The following FHIT variants were observed in gnomAD, a reference collection of about 807,000 sequenced individuals.
FHIT encodes fragile histidine triad diadenosine triphosphatase.
Under a neutral mutation model 17.9 loss-of-function variants are expected in FHIT, and 19 were observed. The observed-to-expected ratio is 1.06, with a 90% CI of 0.74 to 1.56. The LOEUF (loss-of-function observed/expected upper bound fraction) is 1.56. Among genes scored for constraint, FHIT ranks in the 40% most tolerant of loss-of-function variants. The probability of loss-of-function intolerance (pLI) is 0.00; values close to 1 mark genes in which losing one functional copy is unlikely to be tolerated. For missense variants in FHIT, 248 were observed against 189.2 expected (o/e 1.31, Z -1.82); for synonymous variants, 81 against 69.7 (o/e 1.16, Z -0.81).
At chr3:60,104,189 T>C (rs1234813826) in intron 5 of FHIT, among the ~76,000 whole-genome samples, 1 of 152,198 alleles carries the variant, frequency 6.6e-6, no homozygotes, top group Admixed American at 6.5e-5. Flanking sequence ...GCATCAAAGA[T>C]AACTTTTCCT....
At chr3:60,410,569 A>G (rs540220796) in intron 5 of FHIT, among the ~76,000 whole-genome samples, 2 of 152,306 alleles carry the variant, frequency 1.3e-5, no homozygotes, top group East Asian at 3.9e-4. Flanking sequence ...AATTAGCATA[A>G]GCAAATAACA....
chr3:61,134,686 C>G (rs1315717920), intron 2 of FHIT, among the ~76,000 whole-genome samples: 2 of 152,006 alleles, frequency 1.3e-5, no homozygotes, highest in African/African-American at 4.8e-5. Context: ...TGAGAGATGA[C>G]TCCAGGAAGC....
intron 5 of FHIT, among the ~76,000 whole-genome samples, chr3:60,271,295 C>G (rs915194891): frequency 6.6e-6 from 1 of 152,070 alleles, no homozygotes; most frequent in African/African-American, 2.4e-5. Flanking sequence ...CCCAGCTACT[C>G]AGGAGGCTGA....
In FHIT at chr3:60,714,443, G is replaced by T. The variant is rs531832335; in HGVS notation, c.-18+107476C>A. On this transcript the variant is annotated intron_variant, in intron 4 of 9. Transcript: ENST00000492590. ...TGGAAGTTCTGGCCAGGGCAATTAGGCAGGAGGAGGAAATAAAGGGTATTC... is the reference window on the plus strand; with the variant it reads ...TGGAAGTTCTGGCCAGGGCAATTAGTCAGGAGGAGGAAATAAAGGGTATTC... Among the ~76,000 whole-genome samples, 8 of 152,242 alleles carry T rather than the reference G, an allele frequency of 5.3e-5. No homozygotes were observed. The East Asian group carries it at 1.5e-3, about 29-fold the overall frequency.
At chr3:60,842,167 C>A (rs1288745922) in intron 3 of FHIT, among the ~76,000 whole-genome samples, 2 of 152,108 alleles carry the variant, frequency 1.3e-5, no homozygotes, top group African/African-American at 4.8e-5. Context: ...TCACGGATAA[C>A]CCTACAGTTG....
intron 5 of FHIT, among the ~76,000 whole-genome samples, chr3:60,489,609 C>G (rs1477072570): frequency 6.6e-6 from 1 of 152,198 alleles, no homozygotes; most frequent in East Asian, 1.9e-4. Context: ...CTGCTCACTA[C>G]AATACCAATA....
At chr3:60,878,242 G>C (rs1252389751) in intron 3 of FHIT, among the ~76,000 whole-genome samples, 1 of 151,998 alleles carries the variant, frequency 6.6e-6, no homozygotes, top group African/African-American at 2.4e-5. Context: ...CAGCTACAGA[G>C]AGTGAACCTG....
At chr3:60,252,294 A>C (rs13091891) in intron 5 of FHIT, among the ~76,000 whole-genome samples, 13,876 of 152,236 alleles carry the variant, frequency 0.091, 840 homozygotes, top group South Asian at 0.17. Flanking sequence ...CTGTAATCCC[A>C]GAACTTTGGG....
rs571990251 is a variant in FHIT at position 60,159,183 on chromosome 3, C to T, written c.104-145031G>A. 2.2e-4 allele frequency among the ~76,000 whole-genome samples: 34 copies of T among 152,170 alleles called. 2 individuals carry two copies. Among genetic ancestry groups the T allele is most frequent in the Admixed American group, 1.3e-3 (20 of 15,282 alleles). The stretch of plus-strand genomic sequence containing the variant: ...TTGCCCAGGCGGGAGTGCAGTAACC[C>T]GATCATGGCTCTCTGCAGCCTCAAC... On this transcript the variant is annotated intron_variant, in intron 5 of 9. Transcript: ENST00000492590.
In FHIT at chr3:60,594,185, A is replaced by G. The variant is rs113224575; in HGVS notation, c.-17-57206T>C. Among the ~76,000 whole-genome samples, 580 of 152,234 alleles carry G rather than the reference A, an allele frequency of 3.8e-3. 5 individuals carry two copies. The highest frequency in any genetic ancestry group is 0.013 in the African/African-American group (547 of 41,550). On this transcript the variant is annotated intron_variant, in intron 4 of 9. Transcript: ENST00000492590. The stretch of plus-strand genomic sequence containing the variant: ...GTGTGAAAGTCTGTGGAAACAGTAC[A>G]CTGGCAAACTGCCAGCTGGAATCGC...
At chr3:59,961,314 G>A (rs548964396) in intron 7 of FHIT, among the ~76,000 whole-genome samples, 54 of 152,234 alleles carry the variant, frequency 3.5e-4, no homozygotes, top group Non-Finnish European at 5.9e-4. Context: ...CACGTACCAA[G>A]TAATGAGTTT....
chr3:61,209,185 C>A (rs537539446), intron 1 of FHIT, among the ~76,000 whole-genome samples: 1 of 152,188 alleles, frequency 6.6e-6, no homozygotes, highest in Non-Finnish European at 1.5e-5. Context: ...CCGAGAGATC[C>A]GCTGTTAGTC....
At chr3:60,347,822 G>A (rs1174106572) in intron 5 of FHIT, among the ~76,000 whole-genome samples, 5 of 151,782 alleles carry the variant, frequency 3.3e-5, no homozygotes, top group Non-Finnish European at 7.4e-5. Context: ...GCAATAGCAC[G>A]ATCTTGGCTC....
At chr3:60,083,710 T>C (rs923628426) in intron 5 of FHIT, among the ~76,000 whole-genome samples, 6 of 152,204 alleles carry the variant, frequency 3.9e-5, no homozygotes, top group African/African-American at 1.4e-4. Flanking sequence ...ATGGCCTCTA[T>C]TGCAACAACT....
At chr3:61,026,175 A>G (rs1028870995) in intron 3 of FHIT, among the ~76,000 whole-genome samples, 2 of 152,122 alleles carry the variant, frequency 1.3e-5, no homozygotes, top group Non-Finnish European at 2.9e-5. Context: ...GCCCACTTCA[A>G]GAAGAAGAAT....
chr3:60,738,884 G>A (rs2042186815), intron 4 of FHIT, among the ~76,000 whole-genome samples: 1 of 152,126 alleles, frequency 6.6e-6, no homozygotes, highest in South Asian at 2.1e-4. Flanking sequence ...GTACCCAAAC[G>A]GTTGCCTTTT....
intron 3 of FHIT, among the ~76,000 whole-genome samples, chr3:60,856,920 C>A (rs782518133): frequency 3.9e-5 from 6 of 152,158 alleles, no homozygotes; most frequent in Non-Finnish European, 7.3e-5. Flanking sequence ...GTACTTCACT[C>A]CACATGGAGA....
intron 8 of FHIT, among the ~76,000 whole-genome samples, chr3:59,797,090 A>AATC (rs952342385): frequency 2.0e-5 from 3 of 152,334 alleles, no homozygotes; most frequent in African/African-American, 7.2e-5. Flanking sequence ...TATTTTTGGA[A>AATC]ATCATCAAAA....
At chr3:61,247,392 G>A (rs923629256) in intron 1 of FHIT, among the ~76,000 whole-genome samples, 8 of 152,188 alleles carry the variant, frequency 5.3e-5, no homozygotes, top group African/African-American at 1.4e-4. Context: ...CCAGCTGGAT[G>A]ACAACTGCCT....
Sources: gnomAD v4.1 joint callset for allele counts (sites outside exome capture counted in the v4.1 genomes callset) on GRCh38, gnomAD v4.1.1 for gene constraint, MANE v1.5 for transcripts, NCBI Gene and HGNC (gene_info 2026-07-23, HGNC 2026-07-21) for gene names.